PLCL1: variants seen among roughly 807,000 people sequenced by gnomAD.
The protein encoded by PLCL1 is inactive phospholipase C-like protein 1.
PLCL1 carries 41 observed loss-of-function variants against 84.4 expected under a neutral mutation model. That is an observed-to-expected ratio of 0.49 (90% confidence interval 0.38 to 0.63). The LOEUF (loss-of-function observed/expected upper bound fraction) is 0.63. Among genes scored for constraint, PLCL1 ranks in the 30% least tolerant of loss-of-function variants. The pLI is 0.00. For synonymous variants in PLCL1, 490 were observed against 488.3 expected, an observed-to-expected ratio of 1.00 and a Z score of -0.05; for missense variants, 1,206 against 1,367.8, an observed-to-expected ratio of 0.88 and a Z score of 1.87.
At chr2:197,851,744 G>A (rs886603925) in intron 1 of PLCL1, among the ~76,000 whole-genome samples, 2 of 152,178 alleles carry the variant, frequency 1.3e-5, no homozygotes, top group Non-Finnish European at 2.9e-5. Flanking sequence ...CATGTTAGAG[G>A]AGACCAGGAG....
intron 1 of PLCL1, among the ~76,000 whole-genome samples, chr2:197,893,935 T>C (rs1688080609): frequency 1.3e-5 from 2 of 151,938 alleles, no homozygotes; most frequent in African/African-American, 4.8e-5. Flanking sequence ...TTTGCATATG[T>C]TGACTTTCGT....
chr2:198,060,529 T>A (rs984701875), intron 1 of PLCL1, among the ~76,000 whole-genome samples: 1 of 152,198 alleles, frequency 6.6e-6, no homozygotes, highest in Non-Finnish European at 1.5e-5. Context: ...GTTGGAACAT[T>A]TCAGTCCTAC....
intron 1 of PLCL1, among the ~76,000 whole-genome samples, chr2:197,898,309 T>G (rs1688195776): frequency 6.6e-6 from 1 of 152,200 alleles, no homozygotes; most frequent in South Asian, 2.1e-4. Flanking sequence ...CAGAGGACAG[T>G]GGAATGCTCT....
intron 1 of PLCL1, among the ~76,000 whole-genome samples, chr2:197,849,997 A>AACACACAG (rs1411550085): frequency 6.8e-6 from 1 of 147,570 alleles, no homozygotes; most frequent in Admixed American, 6.8e-5. Flanking sequence ...TTAGAGGTTA[A>AACACACAG]ACACACAGAC....
rs141832113 is a variant in PLCL1 at position 198,018,155 on chromosome 2, G to A, written c.241-65603G>A. Reference sequence around the variant, plus strand: ...TTGGGGAACTCCCTTCCTATCCAAGGGAAGCCAAGAGGGACCCTGCCATGA... The same window carrying A: ...TTGGGGAACTCCCTTCCTATCCAAGAGAAGCCAAGAGGGACCCTGCCATGA... On this transcript the variant is annotated intron_variant, in intron 1 of 5. Transcript: ENST00000428675. Among the ~76,000 whole-genome samples the A allele has an allele frequency of 5.5e-3, 836 of 152,230 alleles. 4 individuals are homozygous for A. The highest frequency in any genetic ancestry group is 9.4e-3 in the Non-Finnish European group (641 of 68,020).
chr2:198,105,566 G>T (rs757166010), intron 5 of PLCL1, among the ~76,000 whole-genome samples: 4 of 150,870 alleles, frequency 2.7e-5, no homozygotes, highest in Admixed American at 2.0e-4. Flanking sequence ...TTCGGTGCAG[G>T]CAGGGTACAG....
At chr2:198,051,533 C>T (rs1386364523) in intron 1 of PLCL1, among the ~76,000 whole-genome samples, 3 of 152,036 alleles carry the variant, frequency 2.0e-5, no homozygotes, top group African/African-American at 7.2e-5. Context: ...CTTCCAACCA[C>T]ATTCATATCA....
chr2:197,952,210 T>A (rs1264508183), intron 1 of PLCL1, among the ~76,000 whole-genome samples: 1 of 152,164 alleles, frequency 6.6e-6, no homozygotes, highest in Non-Finnish European at 1.5e-5. Flanking sequence ...GATTCCCTGG[T>A]GTTCAAGAAA....
In PLCL1 at chr2:197,963,830, C is replaced by T. The variant is rs184456939; in HGVS notation, c.241-119928C>T. Among the ~76,000 whole-genome samples, 183 of 152,230 alleles carry T rather than the reference C, an allele frequency of 1.2e-3. 1 individual carries two copies. Among genetic ancestry groups the T allele is most frequent in the Middle Eastern group, 6.8e-3 (2 of 294 alleles). ...GATGGCTATCCAGTTTTCCCAGCAT[C>T]ATTTATTGAAGAGGAGATCCTTTCC... On this transcript the variant is annotated intron_variant, in intron 1 of 5. Coordinates refer to ENST00000428675, the MANE Select transcript of PLCL1 (RefSeq NM_006226.4).
chr2:197,978,240 G>A (rs1238839008), intron 1 of PLCL1, among the ~76,000 whole-genome samples: 1 of 152,242 alleles, frequency 6.6e-6, no homozygotes, highest in African/African-American at 2.4e-5. Context: ...ACTTTGGGAG[G>A]CCGAGGCGGG....
intron 1 of PLCL1, among the ~76,000 whole-genome samples, chr2:197,944,643 C>A (rs1312567151): frequency 1.3e-5 from 2 of 152,170 alleles, no homozygotes; most frequent in African/African-American, 4.8e-5. Flanking sequence ...TGGAAAGAAA[C>A]GTTAACAATA....
At chr2:197,945,259 T>G (rs973112110) in intron 1 of PLCL1, among the ~76,000 whole-genome samples, 1 of 152,100 alleles carries the variant, frequency 6.6e-6, no homozygotes, top group African/African-American at 2.4e-5. Context: ...GCGGGGAGAA[T>G]GTGGGTTGGT....
At chr2:198,082,883 G>A (rs554189908) in intron 1 of PLCL1, among the ~76,000 whole-genome samples, 46 of 152,302 alleles carry the variant, frequency 3.0e-4, no homozygotes, top group African/African-American at 1.1e-3. Context: ...AATGGATGGA[G>A]TTTGATGATC....
chr2:197,814,185 A>T (rs145302825), intron 1 of PLCL1, among the ~76,000 whole-genome samples: 329 of 152,306 alleles, frequency 2.2e-3, no homozygotes, highest in African/African-American at 7.5e-3. Context: ...TTAAACAAAT[A>T]GAAGATTTGT....
intron 1 of PLCL1, among the ~76,000 whole-genome samples, chr2:198,051,922 T>G (rs1691941846): frequency 6.6e-6 from 1 of 151,082 alleles, no homozygotes; most frequent in East Asian, 1.9e-4. Flanking sequence ...TTATTATTAT[T>G]TTTTGAGACC....
At position 197,882,886 on chromosome 2, in the gene PLCL1, T is replaced by A. The variant is rs571184208; in HGVS notation, c.240+77547T>A. Among the ~76,000 whole-genome samples the A allele has an allele frequency of 9.2e-5, 14 of 152,288 alleles. No homozygotes were observed. The South Asian group carries it at 2.9e-3, about 32-fold the overall frequency. On this transcript the variant is annotated intron_variant, in intron 1 of 5. Transcript: ENST00000428675. The stretch of plus-strand genomic sequence containing the variant: ...TGGAATACTATGCACTAGTTAAAAA[T>A]AATAAACTATGGCTACCTGCAACAT...
chr2:198,147,203 AGTGTGTGTGT>A lies in PLCL1; in HGVS notation c.*263_*272del, dbSNP rs55930007. On this transcript the variant is annotated 3_prime_UTR_variant, in exon 6 of 6. Coordinates refer to ENST00000428675, the MANE Select transcript of PLCL1 (RefSeq NM_006226.4). ...ACCCCTGTGTGGATGCCTGTGGAAG[AGTGTGTGTGT>A]GTGTGTGTGTGTGTGTGTGTGGCAG... 8 of 187,726 alleles carry A rather than the reference AGTGTGTGTGT, an allele frequency of 4.3e-5. No homozygotes were observed. The highest frequency in any genetic ancestry group is 9.7e-5 in the African/African-American group (4 of 41,402). The allele number at this position is 187,726 out of a possible 1,614,324, so 11.6% of individuals were successfully genotyped here.
At chr2:197,961,402 T>C (rs1689619643) in intron 1 of PLCL1, among the ~76,000 whole-genome samples, 1 of 152,070 alleles carries the variant, frequency 6.6e-6, no homozygotes, top group Non-Finnish European at 1.5e-5. Context: ...TCAGGATCAT[T>C]ATTAACTCTA....
intron 1 of PLCL1, among the ~76,000 whole-genome samples, chr2:197,864,848 C>G (rs979021855): frequency 2.0e-5 from 3 of 152,160 alleles, no homozygotes; most frequent in African/African-American, 7.2e-5. Flanking sequence ...TAAAAATCAG[C>G]AGTTACAGAA....
Sources: allele counts gnomAD v4.1 joint callset (sites outside exome capture counted in the v4.1 genomes callset), GRCh38; gene constraint gnomAD v4.1.1; transcripts MANE v1.5; gene names NCBI Gene and HGNC (gene_info 2026-07-23, HGNC 2026-07-21).